SP140L: variants seen among roughly 807,000 people sequenced by gnomAD.
SP140L encodes nuclear body protein SP140-like protein.
In SP140L, 64 loss-of-function variants were observed where a neutral mutation model predicts 84.3. The observed-to-expected ratio is 0.76, with a 90% CI of 0.62 to 0.94. The LOEUF (loss-of-function observed/expected upper bound fraction) is 0.94. SP140L is among the 40% of genes least tolerant of loss of function. SP140L has a pLI of 0.00. For synonymous variants in SP140L, 242 were observed against 236.9 expected, an observed-to-expected ratio of 1.02 and a Z score of -0.20; for missense variants, 628 against 692.5, an observed-to-expected ratio of 0.91 and a Z score of 1.05.
Position 230,359,109 on chromosome 2 carries a change from A to G in SP140L, c.416A>G (p.His139Arg). 6.2e-7 allele frequency: 1 copy of G among 1,603,532 alleles called. No homozygotes were observed. Among genetic ancestry groups the G allele is most frequent in the South Asian group, 1.1e-5 (1 of 88,700 alleles). Residue 139 changes from histidine to arginine, a missense_variant, in exon 4 of 19, where the codon CAC becomes CGC. Transcript: ENST00000415673. Reference sequence around the variant, plus strand: ...ATGCAGGAATACCCCGATTTAATTCACATTTATAAAAGCTTCAAAAATGGT... The same window carrying G: ...ATGCAGGAATACCCCGATTTAATTCGCATTTATAAAAGCTTCAAAAATGGT... The part of the protein sequence containing the change: ...VNMQEYPDLI[H>R]IYKSFKNAIQ...
At chr2:230,396,025 G>A (rs1199629781) in intron 13 of SP140L, among the ~76,000 whole-genome samples, 1 of 152,198 alleles carries the variant, frequency 6.6e-6, no homozygotes, top group Admixed American at 6.5e-5. Context: ...CCAGGACTCT[G>A]GGCCCTGTGG....
At chr2:230,380,949 C>G (rs998396634) in intron 7 of SP140L, among the ~76,000 whole-genome samples, 1 of 142,538 alleles carries the variant, frequency 7.0e-6, no homozygotes, top group Non-Finnish European at 1.6e-5. Context: ...TTGTAGAAGT[C>G]TTCCTGTTTT....
rs143595168 is a variant in SP140L at position 230,402,760 on chromosome 2, T to G, written c.1645-38T>G. On this transcript the variant is annotated intron_variant, in intron 18 of 18. Coordinates refer to ENST00000415673, the MANE Select transcript of SP140L (RefSeq NM_138402.6). ...GAAAGGTATCTAATGACACTAATGA[T>G]AAGGAACATCGTTTTTGTCTTTATT... 5 of 1,511,432 alleles carry G rather than the reference T, an allele frequency of 3.3e-6. No individual in the cohort carries two copies. In the South Asian group the frequency reaches 3.4e-5, roughly 10 times the overall value. The allele number at this position is 1,511,432 out of a possible 1,614,324, so 93.6% of individuals were successfully genotyped here.
At chr2:230,370,154 A>G (rs2061016826) in intron 5 of SP140L, among the ~76,000 whole-genome samples, 1 of 152,208 alleles carries the variant, frequency 6.6e-6, no homozygotes. Flanking sequence ...TCTCAGGACT[A>G]CAAGTAGAAA....
intron 6 of SP140L, 103 bp downstream of exon 6, chr2:230,371,070 T>C: frequency 1.0e-6 from 1 of 982,440 alleles, no homozygotes; most frequent in Admixed American, 2.1e-5. Context: ...TCCTGTTCTG[T>C]GCATTTGCCT....
At chr2:230,389,803 G>A in intron 10 of SP140L, 116 bp from the exon 11 acceptor site, 4 of 1,010,998 alleles carry the variant, frequency 4.0e-6, no homozygotes, top group Non-Finnish European at 5.9e-6. Context: ...AAACTCTAGA[G>A]ATTTATGGAA....
intron 2 of SP140L, among the ~76,000 whole-genome samples, chr2:230,331,958 C>CT: frequency 6.6e-6 from 1 of 151,664 alleles, no homozygotes; most frequent in South Asian, 2.1e-4. Flanking sequence ...TTTTTTCCTT[C>CT]TTTTTCCCTT....
At chr2:230,355,657 T>A (rs796327494) in intron 2 of SP140L, among the ~76,000 whole-genome samples, 9 of 152,280 alleles carry the variant, frequency 5.9e-5, no homozygotes, top group African/African-American at 2.2e-4. Context: ...CAAAATCATA[T>A]CAGCATAAGG....
At chr2:230,383,656 ACGAGGG>A in intron 8 of SP140L, 81 bp downstream of exon 8, 1 of 1,389,268 alleles carries the variant, frequency 7.2e-7, no homozygotes, top group Non-Finnish European at 9.9e-7. Context: ...CCTGCAGTTC[ACGAGGG>A]CCAGGAGAGT....
intron 2 of SP140L, among the ~76,000 whole-genome samples, chr2:230,333,392 T>A (rs1302736579): frequency 2.0e-5 from 3 of 152,124 alleles, no homozygotes; most frequent in Non-Finnish European, 4.4e-5. Flanking sequence ...TCTCTTGACC[T>A]CATGATCCAC....
intron 2 of SP140L, among the ~76,000 whole-genome samples, chr2:230,345,985 A>G (rs1354048379): frequency 6.6e-6 from 1 of 152,190 alleles, no homozygotes; most frequent in East Asian, 1.9e-4. Flanking sequence ...ATATTTATAT[A>G]TTGTTATGTT....
intron 10 of SP140L, among the ~76,000 whole-genome samples, chr2:230,389,299 A>G (rs2061706606): frequency 6.6e-6 from 1 of 152,098 alleles, no homozygotes; most frequent in South Asian, 2.1e-4. Flanking sequence ...AAAAACTTTC[A>G]CACCTACTTC....
At chr2:230,393,105 G>T (rs983600340) in intron 12 of SP140L, among the ~76,000 whole-genome samples, 1 of 152,144 alleles carries the variant, frequency 6.6e-6, no homozygotes, top group Non-Finnish European at 1.5e-5. Context: ...AGGAACTCCA[G>T]CTGGAGTGGC....
chr2:230,400,819 G>A (rs1210143828), intron 15 of SP140L, 136 bp from the exon 16 acceptor site: 1 of 1,581,544 alleles, frequency 6.3e-7, no homozygotes, highest in Non-Finnish European at 8.6e-7. Context: ...GCAGTTCTTG[G>A]ATACTCTGGG....
chr2:230,400,308 C>A (rs1051369695), intron 15 of SP140L, 66 bp downstream of exon 15: 1 of 1,488,822 alleles, frequency 6.7e-7, no homozygotes, highest in Non-Finnish European at 9.3e-7. Context: ...TGCGCACTCT[C>A]CAGCAGAATG....
At chr2:230,340,303 A>G (rs1165752860) in intron 2 of SP140L, among the ~76,000 whole-genome samples, 1 of 147,450 alleles carries the variant, frequency 6.8e-6, no homozygotes, top group Non-Finnish European at 1.5e-5. Context: ...ATCAGAGACT[A>G]GGGTTGCAAC....
chr2:230,388,745 C>G, intron 10 of SP140L, 112 bp downstream of exon 10: 1 of 870,046 alleles, frequency 1.1e-6, no homozygotes, highest in Non-Finnish European at 1.6e-6. Flanking sequence ...TGAAGCTATA[C>G]TAACTATTGA....
intron 2 of SP140L, among the ~76,000 whole-genome samples, chr2:230,342,675 G>A (rs2060091475): frequency 6.6e-6 from 1 of 152,072 alleles, no homozygotes; most frequent in Non-Finnish European, 1.5e-5. Flanking sequence ...TATCCAATTT[G>A]TTGATGCATA....
rs1416896890 is a variant in SP140L at position 230,370,903 on chromosome 2, C to G, written c.524-5C>G. 1 of 1,613,242 alleles carries G rather than the reference C, an allele frequency of 6.2e-7. No homozygotes were observed. The highest frequency in any genetic ancestry group is 8.5e-7 in the Non-Finnish European group (1 of 1,179,500). On this transcript the variant is annotated splice_region_variant and splice_polypyrimidine_tract_variant and intron_variant, in intron 5 of 18. Coordinates refer to ENST00000415673, the MANE Select transcript of SP140L (RefSeq NM_138402.6). ...AGAAGTGTTCCTATGTCATGTGTTT[C>G]TCAGGAGAAGTGCCAGAAAGCCCGG... is the stretch of plus-strand genomic sequence containing the variant.
Sources: gnomAD v4.1 joint callset for allele counts (sites outside exome capture counted in the v4.1 genomes callset) on GRCh38, gnomAD v4.1.1 for gene constraint, MANE v1.5 for transcripts, NCBI Gene and HGNC (gene_info 2026-07-23, HGNC 2026-07-21) for gene names.